The following CDC42BPA variants were observed in gnomAD, a reference collection of about 807,000 sequenced individuals.
The protein encoded by CDC42BPA is CDC42 binding protein kinase alpha.
A neutral mutation model predicts 223.5 loss-of-function variants in CDC42BPA; 80 were observed. The ratio of observed to expected loss-of-function variants is 0.36; its 90% CI spans 0.30 to 0.43. CDC42BPA has a LOEUF of 0.43. Ranked by LOEUF, CDC42BPA falls within the 20% of genes least tolerant of loss-of-function variation. The probability of loss-of-function intolerance (pLI) is 1.00; values close to 1 mark genes in which losing one functional copy is unlikely to be tolerated. For synonymous variants in CDC42BPA, 694 were observed against 718.6 expected, an observed-to-expected ratio of 0.97 and a Z score of 0.55; for missense variants, 1,743 against 2,099.9, an observed-to-expected ratio of 0.83 and a Z score of 3.32.
chr1:227,292,409 T>C (rs1468595705), intron 1 of CDC42BPA, among the ~76,000 whole-genome samples: 1 of 152,218 alleles, frequency 6.6e-6, no homozygotes, highest in African/African-American at 2.4e-5. Context: ...CCATATTTTT[T>C]CCACAGAAAG....
chr1:227,147,252 G>T (rs1660867598), intron 7 of CDC42BPA, 107 bp downstream of exon 7: 5 of 720,626 alleles, frequency 6.9e-6, no homozygotes, highest in Non-Finnish European at 1.1e-5. Context: ...TACTAGGATA[G>T]AAATGTGATT....
chr1:227,099,542 A>C (rs979918021), intron 15 of CDC42BPA, among the ~76,000 whole-genome samples: 1 of 152,162 alleles, frequency 6.6e-6, no homozygotes, highest in Non-Finnish European at 1.5e-5. Flanking sequence ...CAATAGTTTT[A>C]CTCAGAATAA....
At chr1:227,080,585 A>G (rs1680432688) in intron 17 of CDC42BPA, among the ~76,000 whole-genome samples, 1 of 152,214 alleles carries the variant, frequency 6.6e-6, no homozygotes, top group African/African-American at 2.4e-5. Context: ...ATCCATAGGT[A>G]GCAGATGAAT....
At chr1:227,149,711 G>C (rs1265546711) in intron 6 of CDC42BPA, among the ~76,000 whole-genome samples, 1 of 152,098 alleles carries the variant, frequency 6.6e-6, no homozygotes, top group African/African-American at 2.4e-5. Flanking sequence ...ACCTGAAGAA[G>C]AGCTGAAGAA....
At chr1:227,122,609 G>GA (rs1456102332) in intron 11 of CDC42BPA, among the ~76,000 whole-genome samples, 1 of 152,008 alleles carries the variant, frequency 6.6e-6, no homozygotes, top group Non-Finnish European at 1.5e-5. Context: ...TTTCAAAAGT[G>GA]AAAAAAGCTC....
intron 5 of CDC42BPA, among the ~76,000 whole-genome samples, chr1:227,183,597 C>T (rs987592955): frequency 1.3e-5 from 2 of 152,210 alleles, no homozygotes; most frequent in African/African-American, 4.8e-5. Flanking sequence ...TATTCACCCA[C>T]TGAAGGATAC....
intron 1 of CDC42BPA, among the ~76,000 whole-genome samples, chr1:227,306,930 G>A (rs1692660696): frequency 6.6e-6 from 1 of 152,176 alleles, no homozygotes; most frequent in African/African-American, 2.4e-5. Context: ...AGTAAACGAT[G>A]ATACTTAAGG....
At chr1:227,182,218 T>C (rs1572188604) in intron 5 of CDC42BPA, among the ~76,000 whole-genome samples, 1 of 152,186 alleles carries the variant, frequency 6.6e-6, no homozygotes, top group Non-Finnish European at 1.5e-5. Flanking sequence ...GCAAAGTGAA[T>C]TCATCTTATC....
At chr1:227,005,825 G>A (rs1225318179) in intron 34 of CDC42BPA, among the ~76,000 whole-genome samples, 2 of 152,192 alleles carry the variant, frequency 1.3e-5, no homozygotes, top group African/African-American at 4.8e-5. Context: ...ATTATTGAAT[G>A]ATTTTAGTGT....
chr1:227,105,011 A>G (rs1685664909), intron 14 of CDC42BPA, among the ~76,000 whole-genome samples: 1 of 152,144 alleles, frequency 6.6e-6, no homozygotes, highest in African/African-American at 2.4e-5. Flanking sequence ...AACAACTTAA[A>G]AGTTTTCTTT....
intron 31 of CDC42BPA, among the ~76,000 whole-genome samples, chr1:227,025,407 C>G (rs1362274088): frequency 6.6e-6 from 1 of 152,112 alleles, no homozygotes. Flanking sequence ...GAAATATGAT[C>G]TAAGCTACTT....
intron 5 of CDC42BPA, among the ~76,000 whole-genome samples, chr1:227,164,124 A>G (rs1664597765): frequency 6.6e-6 from 1 of 152,200 alleles, no homozygotes; most frequent in African/African-American, 2.4e-5. Flanking sequence ...GATAACAGGC[A>G]TAAATTGGAA....
chr1:227,202,322 ATACT>A (rs1354463942), intron 3 of CDC42BPA, among the ~76,000 whole-genome samples: 1 of 152,140 alleles, frequency 6.6e-6, no homozygotes, highest in Non-Finnish European at 1.5e-5. Context: ...AGCACTTTAC[ATACT>A]TACTACCAAG....
chr1:227,049,877 C>T (rs1413638047), intron 22 of CDC42BPA, among the ~76,000 whole-genome samples: 1 of 151,714 alleles, frequency 6.6e-6, no homozygotes, highest in Non-Finnish European at 1.5e-5. Flanking sequence ...TGATTAAGGT[C>T]CTAAACAAGT....
chr1:227,181,095 C>T (rs1444983119), intron 5 of CDC42BPA, among the ~76,000 whole-genome samples: 1 of 152,186 alleles, frequency 6.6e-6, no homozygotes, highest in Non-Finnish European at 1.5e-5. Flanking sequence ...AAAATGCAAA[C>T]TGCCTATGCA....
Position 227,030,421 on chromosome 1 carries a change from A to G in CDC42BPA, c.3825T>C (p.His1275=). 2 of 1,597,690 alleles carry G rather than the reference A, an allele frequency of 1.3e-6. No homozygotes were observed. Among genetic ancestry groups the G allele is most frequent in the African/African-American group, 1.3e-5 (1 of 74,276 alleles). Reference sequence around the variant, plus strand: ...GTTTTCTCTTACCATCTTTGGTGACATGTACAACAAATAACCCTTCTTCGT... The same window carrying G: ...GTTTTCTCTTACCATCTTTGGTGACGTGTACAACAAATAACCCTTCTTCGT... The part of the protein sequence containing the change: ...LGNEEGLFVV[H]VTKDEIIRVG... Residue 1275 remains histidine (H), a synonymous_variant, in exon 29 of 37, where the codon CAT becomes CAC. Transcript: ENST00000366766.
At chr1:227,230,323 C>G (rs1338448586) in intron 2 of CDC42BPA, among the ~76,000 whole-genome samples, 1 of 152,166 alleles carries the variant, frequency 6.6e-6, no homozygotes, top group Non-Finnish European at 1.5e-5. Flanking sequence ...GTGTCATAAT[C>G]AGAATCAGAA....
In CDC42BPA at chr1:227,272,637, G is replaced by A. The variant is rs150377297; in HGVS notation, c.179-18482C>T. On this transcript the variant is annotated intron_variant, in intron 1 of 36. Transcript: ENST00000366766. The stretch of plus-strand genomic sequence containing the variant: ...GGATCTCACTATGTTGCCCAGGCTG[G>A]TGTCAAACTCCTGGTCTCAAGTGAC... Among the ~76,000 whole-genome samples the A allele has an allele frequency of 6.0e-3, 913 of 152,268 alleles. 10 individuals carry two copies. Among genetic ancestry groups the A allele is most frequent in the African/African-American group, 0.021 (860 of 41,538 alleles).
At chr1:227,271,712 G>T (rs2813947) in intron 1 of CDC42BPA, among the ~76,000 whole-genome samples, 95,456 of 151,908 alleles carry the variant, frequency 0.63, 30,147 homozygotes, top group East Asian at 0.75. Context: ...AAAGTCTTCA[G>T]TATTCATTTA....
Sources: allele counts gnomAD v4.1 joint callset (sites outside exome capture counted in the v4.1 genomes callset), GRCh38; gene constraint gnomAD v4.1.1; transcripts MANE v1.5; gene names NCBI Gene and HGNC (gene_info 2026-07-23, HGNC 2026-07-21).